ACOT9: variants seen among roughly 807,000 people sequenced by gnomAD.
ACOT9 encodes the protein acyl-coenzyme A thioesterase 9, mitochondrial.
Under a neutral mutation model 39.7 loss-of-function variants are expected in ACOT9, and 34 were observed. The observed-to-expected ratio is 0.86, with a 90% CI of 0.65 to 1.14. The LOEUF is 1.14. Among genes scored for constraint, ACOT9 ranks in the 50% most tolerant of loss-of-function variants. The pLI is 0.00. For missense variants in ACOT9, 313 were observed against 344.1 expected, an observed-to-expected ratio of 0.91 and a Z score of 0.71; for synonymous variants, 110 against 120.5, an observed-to-expected ratio of 0.91 and a Z score of 0.57.
intron 8 of ACOT9, among the ~76,000 whole-genome samples, chrX:23,720,118 C>T (rs1452404298): frequency 8.8e-6 from 1 of 113,015 alleles, no homozygotes; most frequent in Non-Finnish European, 1.9e-5. Context: ...CAGGCGTGAG[C>T]CACCGCGCCC....
At chrX:23,738,623 T>A in intron 1 of ACOT9, among the ~76,000 whole-genome samples, 1 of 110,901 alleles carries the variant, frequency 9.0e-6, no homozygotes, top group East Asian at 2.8e-4. Context: ...AAACTAGCAT[T>A]CTACAACTGA....
At chrX:23,721,852 C>G in intron 8 of ACOT9, 29 bp downstream of exon 8, 4 of 1,141,583 alleles carry the variant, frequency 3.5e-6, no homozygotes, top group Non-Finnish European at 4.8e-6. Context: ...TTTACTTAAA[C>G]AGTGGACAAT....
At chrX:23,709,009 C>T (rs760570474) in intron 9 of ACOT9, among the ~76,000 whole-genome samples, 88 of 111,964 alleles carry the variant, frequency 7.9e-4, no homozygotes, top group African/African-American at 2.8e-3. Context: ...CTGTAAGCAT[C>T]AAATTTTTTG....
At chrX:23,715,779 C>A (rs1929054203) in intron 8 of ACOT9, among the ~76,000 whole-genome samples, 1 of 112,067 alleles carries the variant, frequency 8.9e-6, no homozygotes, top group African/African-American at 3.2e-5. Context: ...GTATTTAGCA[C>A]AAAGACCAGC....
chrX:23,734,904 C>A (rs965209120), intron 2 of ACOT9, among the ~76,000 whole-genome samples: 1 of 100,802 alleles, frequency 9.9e-6, no homozygotes, highest in African/African-American at 3.7e-5. Context: ...ATCACTTGAA[C>A]CTGGGAGGCG....
chrX:23,719,979 C>A (rs1156601094), intron 8 of ACOT9, among the ~76,000 whole-genome samples: 1 of 108,225 alleles, frequency 9.2e-6, no homozygotes. Flanking sequence ...GGATTACAGG[C>A]ACCCGCCACC....
chrX:23,743,101 C>T, intron 1 of ACOT9, 24 bp downstream of exon 1: 1 of 1,152,203 alleles, frequency 8.7e-7, no homozygotes, highest in Non-Finnish European at 1.2e-6. Context: ...GCCCTGCCAG[C>T]CCCTTCCACG....
intron 4 of ACOT9, 73 bp downstream of exon 4, chrX:23,733,099 T>C (rs1464983238): frequency 1.0e-6 from 1 of 1,003,225 alleles, no homozygotes; most frequent in East Asian, 3.1e-5. Flanking sequence ...TGTGAGACCA[T>C]CAACTGAGCC....
At chrX:23,718,711 C>T (rs1373276141) in intron 8 of ACOT9, among the ~76,000 whole-genome samples, 1 of 107,297 alleles carries the variant, frequency 9.3e-6, no homozygotes, top group Admixed American at 1.0e-4. Context: ...CGAGATCATC[C>T]TGGCTAACAC....
Position 23,707,942 on chromosome X carries a change from G to A in ACOT9, c.665C>T (p.Pro222Leu), listed in dbSNP as rs769087648. The A allele has an allele frequency of 1.3e-5, 15 of 1,194,433 alleles. No individual in the cohort carries two copies. The highest frequency in any genetic ancestry group is 3.7e-5 in the South Asian group (2 of 53,561). ...AGGGATGAGTGGATTTACAAATGCCGGCCTAAAAAGAAGAAAAAAAAGAAT... is the reference window on the plus strand; with the variant it reads ...AGGGATGAGTGGATTTACAAATGCCAGCCTAAAAAGAAGAAAAAAAAGAAT... ...MVARDSENKG[P>L]AFVNPLIPES... Residue 222 changes from proline to leucine, a missense_variant and splice_region_variant, in exon 10 of 16, where the codon CCG (proline) becomes CTG (leucine). By Grantham distance (98) the Pro-to-Leu change is moderately conservative. Transcript: ENST00000379303.
intron 7 of ACOT9, 37 bp from the exon 8 acceptor site, chrX:23,722,021 CA>C: frequency 1.0e-6 from 1 of 997,751 alleles, no homozygotes; most frequent in Non-Finnish European, 1.4e-6. Context: ...CAAGTCATAC[CA>C]AAAATTTTCT....
At chrX:23,731,079 GAAAAAGAAGGTCTGGGCC>G in intron 4 of ACOT9, 93 bp from the exon 5 acceptor site, 1 of 748,072 alleles carries the variant, frequency 1.3e-6, no homozygotes, top group Non-Finnish European at 1.9e-6. Flanking sequence ...ATCAAAGGAG[GAAAAAGAAGGTCTGGGCC>G]TACTTTCACC....
intron 1 of ACOT9, among the ~76,000 whole-genome samples, chrX:23,742,237 G>A (rs5925604): frequency 0.14 from 5,570 of 40,738 alleles, 144 homozygotes; most frequent in African/African-American, 0.15. Context: ...AGAGAGAGAG[G>A]GAGAGAGAGA....
intron 1 of ACOT9, among the ~76,000 whole-genome samples, chrX:23,739,227 C>T (rs1347753669): frequency 2.7e-5 from 3 of 110,478 alleles, no homozygotes; most frequent in Non-Finnish European, 5.7e-5. Flanking sequence ...CACTGCACAG[C>T]GAGACTCTGT....
intron 1 of ACOT9, among the ~76,000 whole-genome samples, chrX:23,737,869 T>G (rs1038093340): frequency 1.8e-4 from 11 of 62,722 alleles, no homozygotes; most frequent in African/African-American, 2.1e-4. Context: ...GATTAATATT[T>G]GTCTTTTTTT....
intron 6 of ACOT9, among the ~76,000 whole-genome samples, chrX:23,729,068 C>A (rs960784327): frequency 2.0e-5 from 1 of 50,639 alleles, no homozygotes; most frequent in Non-Finnish European, 3.2e-5. Flanking sequence ...AAGTTACCTG[C>A]CACCCCCCCC....
Position 23,734,091 on chromosome X carries a change from T to C in ACOT9, c.145+250A>G, listed in dbSNP as rs184922383. On this transcript the variant is annotated intron_variant, in intron 3 of 15. Transcript: ENST00000379303. ...CTATCTTCTTATACGCAGTAATAGA[T>C]CAAATTACTTAGTTCAGAGACTAAT... 1.4e-4 allele frequency among the ~76,000 whole-genome samples: 16 copies of C among 112,144 alleles called. No individual in the cohort carries two copies. The East Asian group carries it at 4.5e-3, about 31-fold the overall frequency.
intron 1 of ACOT9, among the ~76,000 whole-genome samples, chrX:23,741,626 T>C (rs1431654357): frequency 8.9e-6 from 1 of 112,366 alleles, no homozygotes; most frequent in Non-Finnish European, 1.9e-5. Flanking sequence ...TCTATATTCA[T>C]TTGTGAACTC....
chrX:23,719,204 A>G (rs1428563439), intron 8 of ACOT9, among the ~76,000 whole-genome samples: 2 of 111,511 alleles, frequency 1.8e-5, no homozygotes, highest in African/African-American at 6.5e-5. Flanking sequence ...CGAGGGGCAG[A>G]GGTAGCAGAA....
Sources: allele counts gnomAD v4.1 joint callset (sites outside exome capture counted in the v4.1 genomes callset), GRCh38; gene constraint gnomAD v4.1.1; transcripts MANE v1.5; gene names NCBI Gene and HGNC (gene_info 2026-07-23, HGNC 2026-07-21).